RMDN2: variants seen among roughly 807,000 people sequenced by gnomAD.
RMDN2 encodes the protein regulator of microtubule dynamics protein 2.
RMDN2 carries 61 observed loss-of-function variants against 52.8 expected under a neutral mutation model. That is an observed-to-expected ratio of 1.16 (90% CI 0.94 to 1.43). The LOEUF is 1.43. RMDN2 is among the 40% of genes most tolerant of loss of function. The probability of loss-of-function intolerance (pLI) is 0.00; values close to 1 mark genes in which losing one functional copy is unlikely to be tolerated. For synonymous variants in RMDN2, 180 were observed against 153.1 expected, an observed-to-expected ratio of 1.18 and a Z score of -1.30; for missense variants, 592 against 475.3, an observed-to-expected ratio of 1.25 and a Z score of -2.28.
chr2:38,040,506 CCTCACCAGACACCACATCTGCTGGTA>C (rs2125287855), intron 10 of RMDN2, among the ~76,000 whole-genome samples: 1 of 152,286 alleles, frequency 6.6e-6, no homozygotes, highest in African/African-American at 2.4e-5. Flanking sequence ...CAGAGCAAGT[CCTCACCAGACACCACATCTGCTGGTA>C]CATTGATCTT....
chr2:37,965,144 C>T (rs773262369), intron 2 of RMDN2, among the ~76,000 whole-genome samples: 5 of 152,086 alleles, frequency 3.3e-5, no homozygotes, highest in Admixed American at 6.5e-5. Flanking sequence ...CTCTTTTGGA[C>T]AGCATATCGT....
intron 5 of RMDN2, among the ~76,000 whole-genome samples, chr2:37,988,930 A>C (rs1019403281): frequency 1.9e-4 from 29 of 152,202 alleles, no homozygotes; most frequent in African/African-American, 7.0e-4. Flanking sequence ...CATGGGATGC[A>C]CTATTCTAGC....
intron 2 of RMDN2, among the ~76,000 whole-genome samples, chr2:37,934,894 C>G (rs1667158851): frequency 6.6e-6 from 1 of 152,074 alleles, no homozygotes; most frequent in South Asian, 2.1e-4. Context: ...ATTTGAATTA[C>G]AATATTATAT....
intron 2 of RMDN2, among the ~76,000 whole-genome samples, chr2:37,970,939 AT>A (rs1476059980): frequency 6.6e-6 from 1 of 152,060 alleles, no homozygotes; most frequent in African/African-American, 2.4e-5. Flanking sequence ...AGTTTTATAT[AT>A]ATTTTGTATA....
chr2:37,969,233 C>T (rs1465416200), intron 2 of RMDN2, among the ~76,000 whole-genome samples: 1 of 151,846 alleles, frequency 6.6e-6, no homozygotes, highest in African/African-American at 2.4e-5. Flanking sequence ...ATTTTAGGGT[C>T]AGGTCTGTTC....
intron 2 of RMDN2, among the ~76,000 whole-genome samples, chr2:37,940,451 C>T (rs1182941606): frequency 6.6e-6 from 1 of 152,168 alleles, no homozygotes; most frequent in Non-Finnish European, 1.5e-5. Context: ...TGGGGAAGTT[C>T]TCCTGGATAG....
chr2:38,061,509 C>A (rs1443400702), intron 10 of RMDN2, among the ~76,000 whole-genome samples: 3 of 151,538 alleles, frequency 2.0e-5, no homozygotes, highest in Non-Finnish European at 4.4e-5. Flanking sequence ...AACTCAGTGC[C>A]TGTATTTTCT....
chr2:37,974,280 G>C (rs1362756230), intron 3 of RMDN2, 66 bp downstream of exon 3: 1 of 1,018,736 alleles, frequency 9.8e-7, no homozygotes, highest in Non-Finnish European at 1.4e-6. Flanking sequence ...ATCTGTTTCA[G>C]TTATAACTAT....
chr2:38,062,978 T>C (rs1682119355), intron 10 of RMDN2, among the ~76,000 whole-genome samples: 1 of 152,208 alleles, frequency 6.6e-6, no homozygotes, highest in South Asian at 2.1e-4. Context: ...TAGTATTCCA[T>C]GGTGTATATG....
chr2:37,989,848 G>A (rs906142514), intron 6 of RMDN2, among the ~76,000 whole-genome samples: 1 of 152,092 alleles, frequency 6.6e-6, no homozygotes, highest in Non-Finnish European at 1.5e-5. Flanking sequence ...GGTGATTAAA[G>A]ATTATTATTA....
chr2:38,008,224 G>A (rs890408492), intron 10 of RMDN2, among the ~76,000 whole-genome samples: 22 of 152,240 alleles, frequency 1.4e-4, no homozygotes, highest in African/African-American at 5.1e-4. Flanking sequence ...TGTTAGGTCC[G>A]CTTGGTGCAG....
intron 2 of RMDN2, among the ~76,000 whole-genome samples, chr2:37,972,317 T>C (rs1255029171): frequency 1.3e-5 from 2 of 152,110 alleles, no homozygotes; most frequent in Non-Finnish European, 2.9e-5. Flanking sequence ...ATATGAAATA[T>C]GCAAAGAAAT....
intron 2 of RMDN2, among the ~76,000 whole-genome samples, chr2:37,959,251 G>A (rs974712651): frequency 6.6e-6 from 1 of 150,916 alleles, no homozygotes; most frequent in Non-Finnish European, 1.5e-5. Flanking sequence ...TTGTACCTCT[G>A]GTAGAATTCA....
chr2:38,019,385 T>C (rs1302527797), downstream of RMDN2, among the ~76,000 whole-genome samples: 2 of 152,214 alleles, frequency 1.3e-5, no homozygotes, highest in Non-Finnish European at 2.9e-5. Context: ...AACAAAATTA[T>C]TGTTTCTCAT....
intron 10 of RMDN2, among the ~76,000 whole-genome samples, chr2:38,028,753 A>G (rs573447505): frequency 6.6e-6 from 1 of 152,266 alleles, no homozygotes; most frequent in Non-Finnish European, 1.5e-5. Context: ...GGCGGGTCCC[A>G]GTAAGAGCCT....
At chr2:37,975,370 T>A (rs1483227510) in intron 4 of RMDN2, 56 bp downstream of exon 4, 2 of 1,021,322 alleles carry the variant, frequency 2.0e-6, no homozygotes, top group Non-Finnish European at 3.1e-6. Context: ...TAGTAAATCA[T>A]GCAGCCGTAA....
intron 10 of RMDN2, among the ~76,000 whole-genome samples, chr2:38,043,851 A>G (rs1681111107): frequency 6.6e-6 from 1 of 152,030 alleles, no homozygotes. Flanking sequence ...TAATCGCCCA[A>G]TACATTGATG....
intron 2 of RMDN2, among the ~76,000 whole-genome samples, chr2:37,963,462 C>T (rs867594719): frequency 6.6e-6 from 1 of 152,120 alleles, no homozygotes; most frequent in Admixed American, 6.5e-5. Flanking sequence ...GAGGACCCTG[C>T]AGCCTTCCGC....
chr2:37,957,142 A>T (rs1313706912), intron 2 of RMDN2, among the ~76,000 whole-genome samples: 1 of 152,066 alleles, frequency 6.6e-6, no homozygotes, highest in African/African-American at 2.4e-5. Context: ...TTTATAGTAG[A>T]ATGATTTATA....
Sources: gnomAD v4.1 joint callset for allele counts (sites outside exome capture counted in the v4.1 genomes callset) on GRCh38, gnomAD v4.1.1 for gene constraint, MANE v1.5 for transcripts, NCBI Gene and HGNC (gene_info 2026-07-23, HGNC 2026-07-21) for gene names.